NPR3: variants seen among roughly 807,000 people sequenced by gnomAD.
The protein encoded by NPR3 is atrial natriuretic peptide receptor 3.
In NPR3, 34 loss-of-function variants were observed where a neutral mutation model predicts 54.5. The ratio of observed to expected loss-of-function variants is 0.62; its 90% confidence interval spans 0.47 to 0.83. NPR3 has a LOEUF of 0.83. Among genes scored for constraint, NPR3 ranks in the 40% least tolerant of loss-of-function variants. The pLI, the probability that NPR3 is intolerant of heterozygous loss-of-function variation, is 0.00. For synonymous variants in NPR3, 289 were observed against 297.1 expected (o/e 0.97, Z 0.28); for missense variants, 674 against 720.8 (o/e 0.94, Z 0.74).
At chr5:32,728,831 GTGTGTGTATATATATATATA>G (rs1241211924) in intron 2 of NPR3, among the ~76,000 whole-genome samples, 6 of 63,970 alleles carry the variant, frequency 9.4e-5, no homozygotes, top group South Asian at 7.0e-4. Flanking sequence ...GTGTGTGTGT[GTGTGTGTATATATATATATA>G]TATATATATA....
chr5:32,739,180 TGTG>T (rs778909055), intron 3 of NPR3, 150 bp downstream of exon 3: 505 of 659,246 alleles, frequency 7.7e-4, no homozygotes, highest in Middle Eastern at 1.3e-3. Context: ...TGTGTGTGTG[TGTG>T]TTTTTTTTTT....
At chr5:32,744,298 T>A (rs1300099447) in intron 3 of NPR3, among the ~76,000 whole-genome samples, 1 of 152,200 alleles carries the variant, frequency 6.6e-6, no homozygotes, top group African/African-American at 2.4e-5. Context: ...GCCTGCATCA[T>A]GTTTTAATGA....
rs1378102562 is a variant in NPR3, at chr5:32,728,831, G to GTATATA, written c.892+4012_892+4013insATATAT. 7.4e-3 allele frequency among the ~76,000 whole-genome samples: 471 copies of GTATATA among 63,684 alleles called. 6 individuals are homozygous for GTATATA. Among genetic ancestry groups the GTATATA allele is most frequent in the Non-Finnish European group, 8.7e-3 (291 of 33,504 alleles). The allele number at this position is 63,684 out of a possible 152,430, so 41.8% of individuals were successfully genotyped here. A position where few individuals can be genotyped will look rare whatever the true frequency, so the allele number is the denominator to read the frequency against. ...TTGGAATATTTGTGTGTGTGTGTGT[G>GTATATA]TGTGTGTATATATATATATATATAT... On this transcript the variant is annotated intron_variant, in intron 2 of 7. Coordinates refer to ENST00000265074, the MANE Select transcript of NPR3 (RefSeq NM_001204375.2).
intron 2 of NPR3, among the ~76,000 whole-genome samples, chr5:32,732,911 C>T (rs925989408): frequency 2.0e-5 from 3 of 152,076 alleles, no homozygotes; most frequent in African/African-American, 7.2e-5. Context: ...GTGGCATGAT[C>T]TCAGCTCACT....
chr5:32,751,891 C>G (rs1318183385), intron 3 of NPR3, among the ~76,000 whole-genome samples: 1 of 152,154 alleles, frequency 6.6e-6, no homozygotes, highest in Non-Finnish European at 1.5e-5. Flanking sequence ...GGAGAAGTGT[C>G]AGCATTAAAG....
chr5:32,782,615 C>T (rs1160873381), intron 5 of NPR3, among the ~76,000 whole-genome samples: 1 of 152,222 alleles, frequency 6.6e-6, no homozygotes, highest in African/African-American at 2.4e-5. Context: ...GCTCTTAATG[C>T]TCTCTTGAGA....
chr5:32,731,646 TAA>T (rs1359495391), intron 2 of NPR3, among the ~76,000 whole-genome samples: 4 of 152,218 alleles, frequency 2.6e-5, no homozygotes, highest in Admixed American at 1.3e-4. Context: ...AAAATTATGT[TAA>T]GTTTATACAT....
At chr5:32,783,151 T>C (rs1343954393) in intron 6 of NPR3, 123 bp downstream of exon 6, 3 of 868,482 alleles carry the variant, frequency 3.5e-6, no homozygotes, top group Admixed American at 5.7e-5. Context: ...TTCTCTGATG[T>C]GGTAAAACGC....
intron 1 of NPR3, among the ~76,000 whole-genome samples, chr5:32,696,510 T>C (rs151256658): frequency 1.8e-3 from 279 of 152,238 alleles, no homozygotes; most frequent in Admixed American, 3.5e-3. Context: ...CCATATAAAC[T>C]TTAGAATTGT....
At position 32,746,404 on chromosome 5, in the gene NPR3, G is replaced by A. The variant is rs369818752; in HGVS notation, c.1059+7374G>A. Among the ~76,000 whole-genome samples, 81 of 152,248 alleles carry A rather than the reference G, an allele frequency of 5.3e-4. 1 individual carries two copies. The highest frequency in any genetic ancestry group is 1.9e-3 in the African/African-American group (80 of 41,540). On this transcript the variant is annotated intron_variant, in intron 3 of 7. Transcript: ENST00000265074. ...TAGAAAATTATTGAATTAGACCATG[G>A]CTTGTCAGTATTCCATTCACCCAGT...
At chr5:32,772,796 C>T (rs1173738) in intron 3 of NPR3, among the ~76,000 whole-genome samples, 8,178 of 152,118 alleles carry the variant, frequency 0.054, 661 homozygotes, top group African/African-American at 0.18. Flanking sequence ...TTAAACCTAA[C>T]GACATCCCCA....
chr5:32,767,360 A>G (rs1252582454), intron 3 of NPR3, among the ~76,000 whole-genome samples: 1 of 152,230 alleles, frequency 6.6e-6, no homozygotes, highest in Non-Finnish European at 1.5e-5. Flanking sequence ...TCTCTGTCAT[A>G]GGATAATAAC....
At chr5:32,765,253 G>A (rs1295880374) in intron 3 of NPR3, among the ~76,000 whole-genome samples, 1 of 152,154 alleles carries the variant, frequency 6.6e-6, no homozygotes, top group African/African-American at 2.4e-5. Flanking sequence ...ACATGGTCAA[G>A]AGCAAAGAAG....
chr5:32,705,925 A>G (rs1185881666), upstream of NPR3, among the ~76,000 whole-genome samples: 1 of 152,224 alleles, frequency 6.6e-6, no homozygotes, highest in Non-Finnish European at 1.5e-5. Flanking sequence ...CAAAAGCAGA[A>G]CTTTCAATGG....
At chr5:32,716,576 G>A in intron 1 of NPR3, 2 of 357,644 alleles carry the variant, frequency 5.6e-6, no homozygotes, top group Non-Finnish European at 1.1e-5. Flanking sequence ...TGCCCTATTT[G>A]AATAGCCACT....
chr5:32,724,842 C>T (rs1739055639), intron 2 of NPR3, 22 bp downstream of exon 2: 2 of 1,613,472 alleles, frequency 1.2e-6, no homozygotes, highest in Non-Finnish European at 1.7e-6. Context: ...TCCACTTTCC[C>T]CTCCTCTGCT....
Position 32,789,178 on chromosome 5 carries a change from C to A in NPR3, c.*2833C>A. 1 of 219,998 alleles carries A rather than the reference C, an allele frequency of 4.5e-6. No individual in the cohort carries two copies. Among genetic ancestry groups the A allele is most frequent in the Non-Finnish European group, 9.3e-6 (1 of 107,540 alleles). The allele number at this position is 219,998 out of a possible 1,614,324, so 13.6% of individuals were successfully genotyped here. Reference sequence around the variant, plus strand: ...GGATAATTTATCAGTATTTTCTCATCCAGTCAAACTTCAGCTGACATTGAT... The same window carrying A: ...GGATAATTTATCAGTATTTTCTCATACAGTCAAACTTCAGCTGACATTGAT... On this transcript the variant is annotated 3_prime_UTR_variant, in exon 8 of 8. Transcript: ENST00000265074.
At chr5:32,703,627 A>G (rs1439130969) in intron 1 of NPR3, among the ~76,000 whole-genome samples, 2 of 152,086 alleles carry the variant, frequency 1.3e-5, no homozygotes, top group African/African-American at 4.8e-5. Flanking sequence ...CTCCTTGCCC[A>G]GAATATTTCT....
chr5:32,698,395 T>C (rs1444875757), intron 1 of NPR3, among the ~76,000 whole-genome samples: 1 of 152,118 alleles, frequency 6.6e-6, no homozygotes, highest in Non-Finnish European at 1.5e-5. Context: ...TAAAGACTTG[T>C]TTCGTGGCTT....
Sources: allele counts gnomAD v4.1 joint callset (sites outside exome capture counted in the v4.1 genomes callset), GRCh38; gene constraint gnomAD v4.1.1; transcripts MANE v1.5; gene names NCBI Gene and HGNC (gene_info 2026-07-23, HGNC 2026-07-21).